Variants in QTMAN observed in about 807,000 individuals in gnomAD.
QTMAN encodes the protein queuosine-tRNA mannosyltransferase.
the QTMAN span, chr2:143,947,148 G>T: frequency 2.3e-5 from 36 of 1,592,258 alleles, no homozygotes; most frequent in African/African-American, 4.4e-4. Context: ...GCAACGAGGA[G>T]GAGGGAGAGA....
chr2:144,233,494 C>T, the QTMAN span, among the ~76,000 whole-genome samples: 1 of 152,182 alleles, frequency 6.6e-6, no homozygotes, highest in African/African-American at 2.4e-5. Flanking sequence ...ACTAAGGCTG[C>T]CTGCCTTCCT....
chr2:143,942,885 T>G, the QTMAN span: 6 of 155,890 alleles, frequency 3.8e-5, no homozygotes, highest in African/African-American at 1.4e-4. Flanking sequence ...GATAGCCTGA[T>G]AGCAAAACTA....
At chr2:144,071,501 C>T in the QTMAN span, among the ~76,000 whole-genome samples, 2 of 152,120 alleles carry the variant, frequency 1.3e-5, no homozygotes, top group Non-Finnish European at 1.5e-5. Context: ...AATGGATACT[C>T]GCTTTTCTTT....
At chr2:144,186,503 T>C in the QTMAN span, among the ~76,000 whole-genome samples, 1 of 152,140 alleles carries the variant, frequency 6.6e-6, no homozygotes, top group South Asian at 2.1e-4. Flanking sequence ...AACTAATACA[T>C]AGATGTATGT....
the QTMAN span, among the ~76,000 whole-genome samples, chr2:144,245,292 G>C: frequency 8.2e-4 from 125 of 152,282 alleles, 1 homozygote; most frequent in East Asian, 0.016. Flanking sequence ...TACATAGCCT[G>C]GCTTTTGAGA....
chr2:144,210,363 C>T, the QTMAN span, among the ~76,000 whole-genome samples: 2 of 152,144 alleles, frequency 1.3e-5, no homozygotes, highest in Admixed American at 6.6e-5. Flanking sequence ...GCCCATCCCA[C>T]CATTAGTATA....
chr2:144,328,502 TC>T, the QTMAN span, among the ~76,000 whole-genome samples: 1 of 152,192 alleles, frequency 6.6e-6, no homozygotes, highest in African/African-American at 2.4e-5. Flanking sequence ...ACTGAGTACA[TC>T]CAAAGGATAT....
the QTMAN span, among the ~76,000 whole-genome samples, chr2:144,064,554 G>A: frequency 1.1e-4 from 17 of 152,154 alleles, no homozygotes; most frequent in Non-Finnish European, 1.8e-4. Context: ...AGGAACCTGC[G>A]TTTGAGGAGA....
the QTMAN span, among the ~76,000 whole-genome samples, chr2:144,125,024 C>T: frequency 6.6e-6 from 1 of 152,056 alleles, no homozygotes; most frequent in African/African-American, 2.4e-5. Context: ...AACTAGCAGC[C>T]AAGTCTTGGA....
At chr2:143,981,748 C>G in the QTMAN span, among the ~76,000 whole-genome samples, 1 of 152,180 alleles carries the variant, frequency 6.6e-6, no homozygotes, top group East Asian at 1.9e-4. Flanking sequence ...ATTGTCATGG[C>G]AAATGATTGT....
the QTMAN span, among the ~76,000 whole-genome samples, chr2:144,028,221 C>T: frequency 6.6e-6 from 1 of 152,142 alleles, no homozygotes; most frequent in Non-Finnish European, 1.5e-5. Flanking sequence ...AGAACATAGA[C>T]TGTTGAGAGG....
the QTMAN span, among the ~76,000 whole-genome samples, chr2:144,060,990 A>G: frequency 6.6e-6 from 1 of 152,150 alleles, no homozygotes; most frequent in Non-Finnish European, 1.5e-5. Flanking sequence ...ATGTCATCAT[A>G]TAATTTTTTT....
the QTMAN span, among the ~76,000 whole-genome samples, chr2:144,196,707 G>A: frequency 6.6e-6 from 1 of 152,180 alleles, no homozygotes; most frequent in Non-Finnish European, 1.5e-5. Flanking sequence ...AGCACGTAAT[G>A]AGTGTTCATC....
chr2:144,238,126 C>T, the QTMAN span, among the ~76,000 whole-genome samples: 2 of 152,202 alleles, frequency 1.3e-5, no homozygotes, highest in Non-Finnish European at 2.9e-5. Flanking sequence ...CCTGTATTCA[C>T]AAAGCTCAAG....
chr2:143,999,538 T>C, the QTMAN span, among the ~76,000 whole-genome samples: 1 of 151,968 alleles, frequency 6.6e-6, no homozygotes, highest in Non-Finnish European at 1.5e-5. Context: ...TCACACACAA[T>C]CATGTATATA....
At chr2:143,985,685 A>C in the QTMAN span, among the ~76,000 whole-genome samples, 1 of 152,172 alleles carries the variant, frequency 6.6e-6, no homozygotes, top group Non-Finnish European at 1.5e-5. Flanking sequence ...ATTCAGTATC[A>C]TGTGTATATT....
At chr2:144,226,504 C>T in the QTMAN span, among the ~76,000 whole-genome samples, 1 of 152,110 alleles carries the variant, frequency 6.6e-6, no homozygotes, top group East Asian at 1.9e-4. Flanking sequence ...AATTATTTTG[C>T]CTACATTGTG....
At chr2:143,959,162 T>C in the QTMAN span, among the ~76,000 whole-genome samples, 1 of 152,090 alleles carries the variant, frequency 6.6e-6, no homozygotes, top group East Asian at 1.9e-4. Context: ...TTTTAAGATA[T>C]GATAAAATGA....
the QTMAN span, among the ~76,000 whole-genome samples, chr2:144,152,950 C>A: frequency 2.0e-5 from 3 of 152,118 alleles, no homozygotes; most frequent in South Asian, 6.2e-4. Flanking sequence ...AGTGCTATGG[C>A]CACTCAGTGG....
Sources: gnomAD v4.1 joint callset for allele counts (sites outside exome capture counted in the v4.1 genomes callset) on GRCh38, gnomAD v4.1.1 for gene constraint, MANE v1.5 for transcripts, NCBI Gene and HGNC (gene_info 2026-07-23, HGNC 2026-07-21) for gene names.